KCNMB2: variants seen among roughly 807,000 people sequenced by gnomAD.
KCNMB2 encodes calcium-activated potassium channel subunit beta-2.
In KCNMB2, 9 loss-of-function variants were observed where a neutral mutation model predicts 24.5. The ratio of observed to expected loss-of-function variants is 0.37; its 90% CI spans 0.22 to 0.64. The LOEUF is 0.64. Among genes scored for constraint, KCNMB2 ranks in the 30% least tolerant of loss-of-function variants. The pLI is 0.63. For synonymous variants in KCNMB2, 109 were observed against 104.4 expected, an observed-to-expected ratio of 1.04 and a Z score of -0.27; for missense variants, 226 against 284.3, an observed-to-expected ratio of 0.79 and a Z score of 1.47.
chr3:178,653,065 G>C (rs866089704), intron 1 of KCNMB2, among the ~76,000 whole-genome samples: 12 of 151,994 alleles, frequency 7.9e-5, no homozygotes, highest in African/African-American at 2.7e-4. Context: ...ATTAATTTAA[G>C]AATTATTAAC....
chr3:178,647,842 C>T (rs552884189), intron 1 of KCNMB2, among the ~76,000 whole-genome samples: 2 of 152,128 alleles, frequency 1.3e-5, no homozygotes, highest in South Asian at 2.1e-4. Flanking sequence ...AATCGTAGAA[C>T]AAATATTTGC....
chr3:178,610,795 C>T (rs1256357568), intron 1 of KCNMB2, among the ~76,000 whole-genome samples: 2 of 152,146 alleles, frequency 1.3e-5, no homozygotes, highest in Non-Finnish European at 2.9e-5. Flanking sequence ...GAATAGAATC[C>T]TTGTCGTGTT....
intron 1 of KCNMB2, among the ~76,000 whole-genome samples, chr3:178,564,019 G>A (rs561261240): frequency 6.6e-6 from 1 of 151,972 alleles, no homozygotes; most frequent in Admixed American, 6.6e-5. Context: ...GGTGGCTCAT[G>A]CTTGTAATCC....
intron 1 of KCNMB2, among the ~76,000 whole-genome samples, chr3:178,731,043 C>T (rs970913597): frequency 4.0e-5 from 6 of 151,230 alleles, no homozygotes; most frequent in Admixed American, 6.6e-5. Context: ...AAGAGACATA[C>T]GATATACAAC....
At chr3:178,618,650 G>A (rs1039883454) in intron 1 of KCNMB2, among the ~76,000 whole-genome samples, 20 of 152,242 alleles carry the variant, frequency 1.3e-4, no homozygotes, top group African/African-American at 4.6e-4. Flanking sequence ...GAAAGTTACC[G>A]AAAGCCATAA....
intron 1 of KCNMB2, among the ~76,000 whole-genome samples, chr3:178,721,022 TG>T (rs1722786585): frequency 6.6e-6 from 1 of 152,024 alleles, no homozygotes; most frequent in African/African-American, 2.4e-5. Context: ...CCATTGCTTT[TG>T]GTGTTTTAGA....
intron 1 of KCNMB2, among the ~76,000 whole-genome samples, chr3:178,777,629 T>A (rs1712636351): frequency 6.6e-6 from 1 of 152,250 alleles, no homozygotes; most frequent in Non-Finnish European, 1.5e-5. Context: ...AGAAAGTGGG[T>A]TCCCCTCCAC....
chr3:178,672,972 T>C (rs1292625632), intron 1 of KCNMB2, among the ~76,000 whole-genome samples: 1 of 152,176 alleles, frequency 6.6e-6, no homozygotes, highest in African/African-American at 2.4e-5. Context: ...GTTCATTTGC[T>C]CTTACACATT....
At chr3:178,645,019 T>C (rs1271686748) in intron 1 of KCNMB2, among the ~76,000 whole-genome samples, 2 of 151,862 alleles carry the variant, frequency 1.3e-5, no homozygotes, top group Non-Finnish European at 2.9e-5. Flanking sequence ...CTAATGGTAG[T>C]TCCCCTCCCT....
intron 1 of KCNMB2, among the ~76,000 whole-genome samples, chr3:178,621,893 A>G (rs1031076718): frequency 6.6e-6 from 1 of 152,138 alleles, no homozygotes; most frequent in Non-Finnish European, 1.5e-5. Context: ...AAGGGAGGTA[A>G]TTTGATGTAG....
chr3:178,633,411 C>T (rs914819862), intron 1 of KCNMB2, among the ~76,000 whole-genome samples: 1 of 152,246 alleles, frequency 6.6e-6, no homozygotes, highest in East Asian at 1.9e-4. Flanking sequence ...CAGAAGTTCC[C>T]AAACCTCAGT....
At chr3:178,619,928 T>C (rs1032350296) in intron 1 of KCNMB2, among the ~76,000 whole-genome samples, 23 of 152,238 alleles carry the variant, frequency 1.5e-4, no homozygotes, top group Admixed American at 1.2e-3. Flanking sequence ...ACATAAATCA[T>C]AGGGAAATTT....
In KCNMB2 at chr3:178,807,389, C is replaced by G. The variant is rs756918910; in HGVS notation, c.-21C>G. On this transcript the variant is annotated 5_prime_UTR_variant, in exon 2 of 5. Coordinates refer to ENST00000452583, the MANE Select transcript of KCNMB2 (RefSeq NM_181361.3). ...GACATCCACCATAAGGAAAGGAGACCCTGGACCAACATTCTCTAAGATGTT... is the reference window on the plus strand; with the variant it reads ...GACATCCACCATAAGGAAAGGAGACGCTGGACCAACATTCTCTAAGATGTT... 51 of 1,610,686 alleles carry G rather than the reference C, an allele frequency of 3.2e-5. 1 individual carries two copies. In the South Asian group the frequency reaches 5.5e-4, roughly 17 times the overall value.
chr3:178,836,242 C>T (rs886212343), intron 4 of KCNMB2, among the ~76,000 whole-genome samples: 4 of 152,032 alleles, frequency 2.6e-5, no homozygotes, highest in African/African-American at 9.7e-5. Context: ...AAAAAAAGCC[C>T]AACAGGTAAT....
At chr3:178,734,887 T>G (rs1444781091) in intron 1 of KCNMB2, among the ~76,000 whole-genome samples, 2 of 152,234 alleles carry the variant, frequency 1.3e-5, no homozygotes, top group East Asian at 3.9e-4. Flanking sequence ...ACGTTCATAT[T>G]CAAGTTTTCT....
Position 178,544,634 on chromosome 3 carries a change from A to G in KCNMB2, c.-68+7923A>G, listed in dbSNP as rs145078440. Among the ~76,000 whole-genome samples, 9 of 152,302 alleles carry G rather than the reference A, an allele frequency of 5.9e-5. No homozygotes were observed. In the East Asian group the frequency reaches 1.5e-3, roughly 26 times the overall value. On this transcript the variant is annotated intron_variant, in intron 1 of 4. Coordinates refer to ENST00000452583, the MANE Select transcript of KCNMB2 (RefSeq NM_181361.3). ...TACATTTGCCAGCATTATACTAAAT[A>G]GGGAAAATGTCAGCTGAGTCCCACA...
intron 1 of KCNMB2, among the ~76,000 whole-genome samples, chr3:178,695,269 C>A (rs1192963162): frequency 2.0e-5 from 3 of 152,028 alleles, no homozygotes; most frequent in Non-Finnish European, 4.4e-5. Context: ...GGACTCAGCT[C>A]AGGAAACCTT....
intron 1 of KCNMB2, among the ~76,000 whole-genome samples, chr3:178,775,470 T>A (rs1014860491): frequency 6.6e-5 from 10 of 152,254 alleles, no homozygotes; most frequent in Admixed American, 4.6e-4. Context: ...ATATTCTAGA[T>A]AAAATCGAAT....
intron 1 of KCNMB2, among the ~76,000 whole-genome samples, chr3:178,631,708 AG>A (rs1719326292): frequency 6.6e-6 from 1 of 152,338 alleles, no homozygotes; most frequent in African/African-American, 2.4e-5. Flanking sequence ...AGGTGTTGGG[AG>A]AAAATGGGAC....
Sources: allele counts gnomAD v4.1 joint callset (sites outside exome capture counted in the v4.1 genomes callset), GRCh38; gene constraint gnomAD v4.1.1; transcripts MANE v1.5; gene names NCBI Gene and HGNC (gene_info 2026-07-23, HGNC 2026-07-21).